FREM1: variants seen among roughly 807,000 people sequenced by gnomAD.
The protein encoded by FREM1 is FRAS1 related extracellular matrix 1, also known as FRAS1-related extracellular matrix protein 1.
Under a neutral mutation model 210.1 loss-of-function variants are expected in FREM1, and 220 were observed. That is an observed-to-expected ratio of 1.05 (90% CI 0.94 to 1.17). FREM1 has a LOEUF of 1.17. Ranked by LOEUF, FREM1 falls within the 50% of genes most tolerant of loss-of-function variation. The pLI is 0.00. For missense variants in FREM1, 3,454 were observed against 2,675.5 expected (o/e 1.29, Z -6.42); for synonymous variants, 1,189 against 980.2 (o/e 1.21, Z -3.98).
At chr9:14,834,143 A>G (rs1265455685) in intron 10 of FREM1, among the ~76,000 whole-genome samples, 1 of 152,206 alleles carries the variant, frequency 6.6e-6, no homozygotes, top group Non-Finnish European at 1.5e-5. Flanking sequence ...GAGATGGCTA[A>G]TAGTAGTTAT....
At position 14,807,290 on chromosome 9, in the gene FREM1, C is replaced by A. The variant is rs1588103248; in HGVS notation, c.3089-444G>T. ...CCTCTGTTTGTCAGAGCGTTAATTGCCTGAGAGCTATTATGAATTGCTCAT... is the reference window on the plus strand; with the variant it reads ...CCTCTGTTTGTCAGAGCGTTAATTGACTGAGAGCTATTATGAATTGCTCAT... On this transcript the variant is annotated intron_variant, in intron 17 of 36. Transcript: ENST00000380880. Among the ~76,000 whole-genome samples, 3 of 152,258 alleles carry A rather than the reference C, an allele frequency of 2.0e-5. No individual in the cohort carries two copies. In the East Asian group the frequency reaches 5.8e-4, roughly 29 times the overall value.
At chr9:14,796,215 G>C (rs1852350192) in intron 21 of FREM1, among the ~76,000 whole-genome samples, 2 of 152,154 alleles carry the variant, frequency 1.3e-5, no homozygotes, top group Admixed American at 6.5e-5. Context: ...GAGTGGAAGA[G>C]ATTTGGGGGG....
chr9:14,798,073 A>G (rs1852778486), intron 20 of FREM1, among the ~76,000 whole-genome samples: 1 of 152,108 alleles, frequency 6.6e-6, no homozygotes, highest in South Asian at 2.1e-4. Context: ...TAACATTTAA[A>G]TGGAAATTCA....
intron 26 of FREM1, among the ~76,000 whole-genome samples, chr9:14,770,302 A>C (rs1032383275): frequency 1.3e-5 from 2 of 152,228 alleles, no homozygotes; most frequent in African/African-American, 4.8e-5. Context: ...ATAAAAAATT[A>C]GTCACAAATA....
intron 21 of FREM1, among the ~76,000 whole-genome samples, chr9:14,796,164 G>T (rs73644854): frequency 1.3e-3 from 194 of 152,206 alleles, no homozygotes; most frequent in African/African-American, 4.5e-3. Flanking sequence ...AGGATATGGG[G>T]CAGATAAGGA....
intron 5 of FREM1, among the ~76,000 whole-genome samples, chr9:14,852,735 C>G (rs145912081): frequency 4.7e-4 from 71 of 152,270 alleles, no homozygotes; most frequent in African/African-American, 1.7e-3. Context: ...CTAGTTCTCA[C>G]AGGATTTGAT....
At chr9:14,856,530 G>C (rs1828760728) in intron 5 of FREM1, among the ~76,000 whole-genome samples, 1 of 152,180 alleles carries the variant, frequency 6.6e-6, no homozygotes, top group Admixed American at 6.5e-5. Context: ...AAAGATAGAA[G>C]TATTTCCAAA....
chr9:14,842,557 T>C lies in FREM1; in HGVS notation c.1497A>G (p.Ile499Met). ...DSTKDFVVFR[I>M]FDGHHSIRHK... Reference sequence around the variant, plus strand: ...GACGGATGCTGTGATGGCCATCAAATATCCGGAAGACCACGAAGTCTTTGG... The same window carrying C: ...GACGGATGCTGTGATGGCCATCAAACATCCGGAAGACCACGAAGTCTTTGG... Residue 499 changes from isoleucine (I) to methionine (M), a missense_variant, in exon 9 of 37, where the codon ATA becomes ATG. Coordinates refer to ENST00000380880, the MANE Select transcript of FREM1 (RefSeq NM_001379081.2). 1 of 1,613,914 alleles carries C rather than the reference T, an allele frequency of 6.2e-7. No homozygotes were observed. Among genetic ancestry groups the C allele is most frequent in the Non-Finnish European group, 8.5e-7 (1 of 1,179,792 alleles).
intron 7 of FREM1, among the ~76,000 whole-genome samples, chr9:14,847,297 T>A (rs114255481): frequency 6.6e-6 from 1 of 152,072 alleles, no homozygotes; most frequent in African/African-American, 2.4e-5. Flanking sequence ...CTTCTCCCCT[T>A]ACTCTTGCTT....
At chr9:14,861,503 C>CT (rs775845478) in intron 3 of FREM1, among the ~76,000 whole-genome samples, 2,043 of 114,832 alleles carry the variant, frequency 0.018, 31 homozygotes, top group Non-Finnish European at 0.024. Flanking sequence ...AGCATTTATC[C>CT]TTTTTTTTTT....
At chr9:14,768,456 G>T (rs947515230) in intron 27 of FREM1, among the ~76,000 whole-genome samples, 1 of 151,874 alleles carries the variant, frequency 6.6e-6, no homozygotes, top group Non-Finnish European at 1.5e-5. Flanking sequence ...AATGGGTGGA[G>T]GTCATATGTT....
At chr9:14,757,934 T>C (rs948337355) in intron 28 of FREM1, among the ~76,000 whole-genome samples, 1 of 152,190 alleles carries the variant, frequency 6.6e-6, no homozygotes, top group Admixed American at 6.5e-5. Context: ...TACACCTGTA[T>C]CCACCATATG....
At chr9:14,887,192 T>C (rs1260149128) in intron 1 of FREM1, among the ~76,000 whole-genome samples, 2 of 152,144 alleles carry the variant, frequency 1.3e-5, no homozygotes, top group Non-Finnish European at 2.9e-5. Context: ...TTCTTTGTGT[T>C]TTAATTGAGG....
intron 10 of FREM1, among the ~76,000 whole-genome samples, chr9:14,825,522 C>CAT (rs200797334): frequency 1.5e-3 from 55 of 37,092 alleles, no homozygotes; most frequent in Middle Eastern, 0.017. Context: ...TATATACATA[C>CAT]ATATATATAT....
intron 9 of FREM1, 103 bp from the exon 10 acceptor site, chr9:14,841,692 T>TG: frequency 2.6e-6 from 2 of 774,350 alleles, no homozygotes; most frequent in Admixed American, 2.9e-5. Context: ...GTCTAGTACA[T>TG]TCTATGTACC....
At position 14,746,425 on chromosome 9, in the gene FREM1, G is replaced by A; in HGVS notation, c.6182C>T (p.Ser2061Leu). ...TGTGATCAAGATGTGACAGTAGCCT[G>A]AGTGCTGGTGCCACCCGGCTGGACA... The part of the protein sequence containing the change: ...KSCPAGWHQH[S>L]GYCHILITEQ... Residue 2061 changes from serine (S) to leucine (L), a missense_variant, in exon 35 of 37, where the codon TCA (serine) becomes TTA (leucine). By Grantham distance (145) the Ser-to-Leu change is moderately radical. Coordinates refer to ENST00000380880, the MANE Select transcript of FREM1 (RefSeq NM_001379081.2). 1.2e-6 allele frequency: 2 copies of A among 1,613,900 alleles called. No individual in the cohort carries two copies. The highest frequency in any genetic ancestry group is 1.7e-6 in the Non-Finnish European group (2 of 1,179,794).
intron 6 of FREM1, among the ~76,000 whole-genome samples, chr9:14,850,810 C>G (rs754490692): frequency 2.6e-5 from 4 of 152,190 alleles, no homozygotes; most frequent in Non-Finnish European, 5.9e-5. Context: ...GGAAGGCTGT[C>G]GAAGGCTGCT....
chr9:14,866,317 C>G (rs1831507961), intron 2 of FREM1, among the ~76,000 whole-genome samples: 2 of 152,156 alleles, frequency 1.3e-5, no homozygotes, highest in Non-Finnish European at 2.9e-5. Context: ...ACTTGGATCC[C>G]TTTTTGCTCC....
At chr9:14,872,174 C>G (rs543469566) in intron 1 of FREM1, among the ~76,000 whole-genome samples, 1 of 152,068 alleles carries the variant, frequency 6.6e-6, no homozygotes, top group Non-Finnish European at 1.5e-5. Flanking sequence ...TCCATATGAA[C>G]TTTAAAGTAG....
Sources: gnomAD v4.1 joint callset for allele counts (sites outside exome capture counted in the v4.1 genomes callset) on GRCh38, gnomAD v4.1.1 for gene constraint, MANE v1.5 for transcripts, NCBI Gene and HGNC (gene_info 2026-07-23, HGNC 2026-07-21) for gene names.